Variants in SQOR observed in about 807,000 individuals in gnomAD.
SQOR encodes sulfide:quinone oxidoreductase, mitochondrial.
Under a neutral mutation model 48.6 loss-of-function variants are expected in SQOR, and 39 were observed. The ratio of observed to expected loss-of-function variants is 0.80; its 90% CI spans 0.62 to 1.05. The LOEUF is 1.05. Ranked by LOEUF, SQOR falls within the 50% of genes least tolerant of loss-of-function variation. The probability of loss-of-function intolerance (pLI) is 0.00; values close to 1 mark genes in which losing one functional copy is unlikely to be tolerated. For missense variants in SQOR, 561 were observed against 559.9 expected (o/e 1.00, Z -0.02); for synonymous variants, 220 against 206.2 (o/e 1.07, Z -0.57).
At chr15:45,654,115 C>CAA (rs60006729) in intron 1 of SQOR, among the ~76,000 whole-genome samples, 124 of 107,866 alleles carry the variant, frequency 1.1e-3, no homozygotes, top group African/African-American at 3.7e-3. Context: ...GAGTGAGACT[C>CAA]AAAAAAAAAA....
chr15:45,678,776 G>A (rs922549621), intron 6 of SQOR, among the ~76,000 whole-genome samples: 3 of 152,008 alleles, frequency 2.0e-5, no homozygotes, highest in Non-Finnish European at 2.9e-5. Flanking sequence ...CTTTTTCCTG[G>A]CTGTCAGGCC....
chr15:45,657,970 C>T (rs1216950328), intron 1 of SQOR, among the ~76,000 whole-genome samples: 1 of 152,046 alleles, frequency 6.6e-6, no homozygotes, highest in Non-Finnish European at 1.5e-5. Flanking sequence ...TAGATGGAGT[C>T]CTGGATGTCA....
chr15:45,635,176 C>G (rs1042756356), intron 1 of SQOR, 68 bp downstream of exon 1: 19 of 152,402 alleles, frequency 1.2e-4, no homozygotes, highest in African/African-American at 4.1e-4. Flanking sequence ...GGACAGCGAC[C>G]ACCACTGAGG....
intron 5 of SQOR, 47 bp downstream of exon 5, chr15:45,673,848 A>G: frequency 6.4e-7 from 1 of 1,570,724 alleles, no homozygotes; most frequent in Non-Finnish European, 8.7e-7. Flanking sequence ...GGACAGTGCT[A>G]ATTCACTGAT....
intron 5 of SQOR, 148 bp from the exon 6 acceptor site, chr15:45,675,953 G>T: frequency 1.4e-6 from 1 of 732,570 alleles, no homozygotes; most frequent in East Asian, 2.5e-5. Context: ...GGAGGCAGTG[G>T]ATTGGTCTAC....
intron 7 of SQOR, among the ~76,000 whole-genome samples, 159 bp from the exon 8 acceptor site, chr15:45,688,178 G>A (rs139815210): frequency 4.9e-4 from 74 of 152,302 alleles, no homozygotes; most frequent in African/African-American, 1.6e-3. Context: ...AACCCCCTCC[G>A]GTAGTCAGAA....
In SQOR at chr15:45,682,573, A is replaced by G; in HGVS notation, c.960A>G (p.Lys320=). 2 of 1,614,190 alleles carry G rather than the reference A, an allele frequency of 1.2e-6. No homozygotes were observed. Among genetic ancestry groups the G allele is most frequent in the African/African-American group, 2.7e-5 (2 of 75,046 alleles). The change falls in exon 7 of 10, where the codon AAA becomes AAG. Residue 320 remains lysine, a synonymous_variant. Coordinates refer to ENST00000260324, the MANE Select transcript of SQOR (RefSeq NM_021199.4). ...ADAAGWVDVD[K]ETLQHRRYPN... ...CTGCTGGTTGGGTGGATGTGGATAA[A>G]GAAACTCTGCAACACAGGAGGTACC...
intron 1 of SQOR, among the ~76,000 whole-genome samples, chr15:45,654,775 G>T (rs1889563665): frequency 6.6e-6 from 1 of 152,182 alleles, no homozygotes; most frequent in South Asian, 2.1e-4. Flanking sequence ...TGAGTGGAAA[G>T]ACGTGGCCGG....
intron 2 of SQOR, among the ~76,000 whole-genome samples, chr15:45,659,386 T>C (rs1034238184): frequency 2.6e-5 from 4 of 151,734 alleles, no homozygotes; most frequent in Admixed American, 6.6e-5. Flanking sequence ...TTCTCCTCTG[T>C]ATTAGTTTCT....
At chr15:45,650,945 G>A (rs1285063614) in intron 1 of SQOR, among the ~76,000 whole-genome samples, 1 of 152,216 alleles carries the variant, frequency 6.6e-6, no homozygotes. Flanking sequence ...AGCCCAGCTG[G>A]CTTCACCTAG....
chr15:45,676,252 A>AT lies in SQOR; in HGVS notation c.807dup (p.Lys270Ter). On this transcript the variant is annotated frameshift_variant, in exon 6 of 10. Coordinates refer to ENST00000260324, the MANE Select transcript of SQOR (RefSeq NM_021199.4). LOFTEE classifies it high-confidence loss of function. ...AAAAACCTCATTGAAGTCCGAGCCG[A>AT]TAAACAAGAGGCTGTATTTGAGAAC... 1 of 1,614,164 alleles carries AT rather than the reference A, an allele frequency of 6.2e-7. No individual in the cohort carries two copies.
rs552368702 is a variant in SQOR at position 45,655,878 on chromosome 15, G to A, written c.-17-3029G>A. 4.6e-5 allele frequency among the ~76,000 whole-genome samples: 7 copies of A among 151,814 alleles called. No homozygotes were observed. The East Asian group carries it at 7.8e-4, about 17-fold the overall frequency. ...TTTTTTTGTATTTTAGTAGAGACGG[G>A]ATTTCACCATGTTGGCCAGGATGGT... On this transcript the variant is annotated intron_variant, in intron 1 of 9. Coordinates refer to ENST00000260324, the MANE Select transcript of SQOR (RefSeq NM_021199.4).
At chr15:45,683,383 T>G (rs867019609) in intron 7 of SQOR, among the ~76,000 whole-genome samples, 4 of 152,236 alleles carry the variant, frequency 2.6e-5, no homozygotes, top group African/African-American at 9.6e-5. Context: ...CAGAAAATTG[T>G]CCTGTTAAGA....
At chr15:45,675,303 T>A (rs908801605) in intron 5 of SQOR, among the ~76,000 whole-genome samples, 4 of 152,168 alleles carry the variant, frequency 2.6e-5, no homozygotes, top group Admixed American at 6.5e-5. Flanking sequence ...TATTGGCCTC[T>A]CTGATCTTAG....
At chr15:45,670,916 T>C (rs1442743423) in intron 4 of SQOR, among the ~76,000 whole-genome samples, 1 of 152,160 alleles carries the variant, frequency 6.6e-6, no homozygotes, top group Non-Finnish European at 1.5e-5. Context: ...AGGTGTTTAT[T>C]ACAACTACTT....
chr15:45,668,882 T>C (rs955614675), intron 3 of SQOR, among the ~76,000 whole-genome samples: 6 of 152,148 alleles, frequency 3.9e-5, no homozygotes, highest in African/African-American at 1.4e-4. Flanking sequence ...TTCCTCTTTG[T>C]CCTAAACCCA....
chr15:45,680,281 A>G (rs955703482), intron 6 of SQOR, among the ~76,000 whole-genome samples: 1 of 152,050 alleles, frequency 6.6e-6, no homozygotes, highest in African/African-American at 2.4e-5. Flanking sequence ...TTTTTTAAAG[A>G]CTGGGTTTTG....
chr15:45,638,155 C>CA (rs1895039592), intron 1 of SQOR, among the ~76,000 whole-genome samples: 1 of 152,102 alleles, frequency 6.6e-6, no homozygotes. Context: ...CAAAACAGAA[C>CA]AAAAAAACCC....
At chr15:45,644,879 G>T (rs1280090804) in intron 1 of SQOR, among the ~76,000 whole-genome samples, 2 of 152,184 alleles carry the variant, frequency 1.3e-5, no homozygotes, top group Non-Finnish European at 2.9e-5. Flanking sequence ...AAATAGAGGA[G>T]GTGGTTCAGA....
Sources: allele counts gnomAD v4.1 joint callset (sites outside exome capture counted in the v4.1 genomes callset), GRCh38; gene constraint gnomAD v4.1.1; transcripts MANE v1.5; gene names NCBI Gene and HGNC (gene_info 2026-07-23, HGNC 2026-07-21).